The following PDCD4 variants were observed in gnomAD, a reference collection of about 807,000 sequenced individuals.
PDCD4 encodes programmed cell death protein 4.
Under a neutral mutation model 54.0 loss-of-function variants are expected in PDCD4, and 56 were observed. The ratio of observed to expected loss-of-function variants is 1.04; its 90% CI spans 0.84 to 1.30. The LOEUF (loss-of-function observed/expected upper bound fraction) is 1.30, where lower values mean the gene tolerates loss of function less well. Among genes scored for constraint, PDCD4 ranks in the 50% most tolerant of loss-of-function variants. The probability of loss-of-function intolerance (pLI) is 0.00; values close to 1 mark genes in which losing one functional copy is unlikely to be tolerated. For missense variants in PDCD4, 584 were observed against 559.8 expected, an observed-to-expected ratio of 1.04 and a Z score of -0.44; for synonymous variants, 186 against 194.8, an observed-to-expected ratio of 0.95 and a Z score of 0.37.
At chr10:110,897,951 A>G (rs1845870115) in intron 11 of PDCD4, 77 bp from the exon 12 acceptor site, 1 of 1,043,686 alleles carries the variant, frequency 9.6e-7, no homozygotes. Context: ...AAAAATACCA[A>G]GTTTTTAATT....
At chr10:110,873,261 T>C (rs774849020) in intron 1 of PDCD4, among the ~76,000 whole-genome samples, 3 of 152,242 alleles carry the variant, frequency 2.0e-5, no homozygotes, top group Middle Eastern at 3.2e-3. Context: ...GCTTGAATAT[T>C]ATCTGTAGTG....
intron 2 of PDCD4, among the ~76,000 whole-genome samples, chr10:110,879,368 TAA>T (rs1845555672): frequency 6.6e-6 from 1 of 152,218 alleles, no homozygotes; most frequent in East Asian, 1.9e-4. Flanking sequence ...AGTTACAAGG[TAA>T]AGAGTTTACA....
At chr10:110,873,772 T>A (rs1477879548) in intron 1 of PDCD4, among the ~76,000 whole-genome samples, 1 of 152,206 alleles carries the variant, frequency 6.6e-6, no homozygotes, top group Non-Finnish European at 1.5e-5. Flanking sequence ...TGTTTGTTGC[T>A]GTCAAATATG....
Position 110,898,798 on chromosome 10 carries a change from A to T in PDCD4, c.*710A>T, listed in dbSNP as rs1407499706. Reference sequence around the variant, plus strand: ...CTCTTAAACTTTAATTTCACACAGTAAATTTTGAATCTCATAAGGAAGCAT... The same window carrying T: ...CTCTTAAACTTTAATTTCACACAGTTAATTTTGAATCTCATAAGGAAGCAT... On this transcript the variant is annotated 3_prime_UTR_variant, in exon 12 of 12. Transcript: ENST00000280154. The T allele has an allele frequency of 6.6e-6, 1 of 152,636 alleles. No homozygotes were observed. Among genetic ancestry groups the T allele is most frequent in the Non-Finnish European group, 1.5e-5 (1 of 68,028 alleles). The allele number at this position is 152,636 out of a possible 1,614,324, so 9.5% of individuals were successfully genotyped here. A position where few individuals can be genotyped will look rare whatever the true frequency, so the allele number is the denominator to read the frequency against.
At position 110,894,129 on chromosome 10, in the gene PDCD4, CAT is replaced by C. The variant is rs1433945394; in HGVS notation, c.1032_1033del (p.Ser345Ter). ...LLKEYLLSGD[I>X]SEAEHCLKEL... is the part of the protein sequence containing the mutation. ...TGAAAGAATATTTACTCTCTGGAGA[CAT>C]ATCTGAAGCTGAACATTGCCTTAAG... On this transcript the variant is annotated frameshift_variant, in exon 9 of 12. Transcript: ENST00000280154. LOFTEE classifies it high-confidence loss of function. 1.2e-6 allele frequency: 2 copies of C among 1,608,230 alleles called. No individual in the cohort carries two copies. Among genetic ancestry groups the C allele is most frequent in the Non-Finnish European group, 1.7e-6 (2 of 1,174,896 alleles).
intron 2 of PDCD4, 53 bp downstream of exon 2, chr10:110,876,123 G>A (rs1443443982): frequency 3.4e-6 from 5 of 1,457,582 alleles, no homozygotes; most frequent in Non-Finnish European, 2.9e-6. Context: ...ACAGGATCTT[G>A]CTCTGTCACC....
chr10:110,872,726 G>T (rs1845438936), intron 1 of PDCD4, among the ~76,000 whole-genome samples: 1 of 152,252 alleles, frequency 6.6e-6, no homozygotes, highest in Admixed American at 6.5e-5. Flanking sequence ...CCGGCAAAGG[G>T]TCTCTTTTTT....
chr10:110,891,026 A>G (rs905777383), intron 8 of PDCD4, among the ~76,000 whole-genome samples: 4 of 152,212 alleles, frequency 2.6e-5, no homozygotes, highest in African/African-American at 4.8e-5. Context: ...TATATGAGCA[A>G]TTTAAAACTA....
chr10:110,881,165 C>T, intron 2 of PDCD4, 68 bp from the exon 3 acceptor site: 1 of 1,165,156 alleles, frequency 8.6e-7, no homozygotes, highest in Non-Finnish European at 1.2e-6. Context: ...ATCTAACTTA[C>T]CACTATATCT....
Position 110,887,664 on chromosome 10 carries a change from G to C in PDCD4, c.556-1G>C. On this transcript the variant is annotated splice_acceptor_variant, in intron 5 of 11. Coordinates refer to ENST00000280154, the MANE Select transcript of PDCD4 (RefSeq NM_014456.5). LOFTEE classifies it high-confidence loss of function. ...TGTTTTTAAATTATTTTTTTGAACA[G>C]GAAATGTTAAGAGATTTAAATCTTG... is the stretch of plus-strand genomic sequence containing the variant. The C allele has an allele frequency of 6.3e-7, 1 of 1,598,370 alleles. No homozygotes were observed. Among genetic ancestry groups the C allele is most frequent in the East Asian group, 2.2e-5 (1 of 44,778 alleles).
At chr10:110,872,574 G>C (rs1195634440) in intron 1 of PDCD4, among the ~76,000 whole-genome samples, 2 of 152,200 alleles carry the variant, frequency 1.3e-5, no homozygotes, top group African/African-American at 4.8e-5. Flanking sequence ...CTGGGACTTC[G>C]GGGGTCCTAG....
In PDCD4 at chr10:110,872,003, G is replaced by T. The variant is rs1845414848; in HGVS notation, c.-78G>T. The T allele has an allele frequency of 6.5e-6, 1 of 152,824 alleles. No homozygotes were observed. The highest frequency in any genetic ancestry group is 1.5e-5 in the Non-Finnish European group (1 of 68,348). 9.5% of individuals were successfully genotyped at this position (152,824 alleles called of 1,614,324 possible). ...CTGACCAGGAACCTGGGCGAGCAGC[G>T]GCGGGGGCCCGAGGGGTCAGTACCA... On this transcript the variant is annotated 5_prime_UTR_variant, in exon 1 of 12. Coordinates refer to ENST00000280154, the MANE Select transcript of PDCD4 (RefSeq NM_014456.5).
chr10:110,882,387 T>G (rs1369930243), intron 3 of PDCD4, among the ~76,000 whole-genome samples: 1 of 152,218 alleles, frequency 6.6e-6, no homozygotes, highest in African/African-American at 2.4e-5. Context: ...AAAGCAACTT[T>G]GAAAATTGGA....
chr10:110,876,933 T>TTTCGTAACTAAAGTGTA (rs1845514104), intron 2 of PDCD4, among the ~76,000 whole-genome samples: 1 of 152,192 alleles, frequency 6.6e-6, no homozygotes, highest in Admixed American at 6.5e-5. Context: ...TTTAAGTGTA[T>TTTCGTAACTAAAGTGTA]TTCGTAACTA....
At chr10:110,873,414 G>A (rs12258559) in intron 1 of PDCD4, among the ~76,000 whole-genome samples, 7,143 of 152,298 alleles carry the variant, frequency 0.047, 172 homozygotes, top group Middle Eastern at 0.082. Context: ...AGCAATTTAT[G>A]AGGTATATTT....
intron 9 of PDCD4, 76 bp from the exon 10 acceptor site, chr10:110,894,336 A>G: frequency 1.1e-6 from 1 of 893,524 alleles, no homozygotes; most frequent in Non-Finnish European, 1.8e-6. Flanking sequence ...ACGATTACAG[A>G]AGGCATCTAG....
At chr10:110,873,182 T>A (rs922774409) in intron 1 of PDCD4, among the ~76,000 whole-genome samples, 3 of 152,240 alleles carry the variant, frequency 2.0e-5, no homozygotes, top group African/African-American at 7.2e-5. Context: ...ATTTGAATTA[T>A]AATTGACTGG....
At chr10:110,897,741 A>C (rs2134009365) in intron 11 of PDCD4, among the ~76,000 whole-genome samples, 1 of 152,232 alleles carries the variant, frequency 6.6e-6, no homozygotes, top group Admixed American at 6.5e-5. Context: ...AATAATTTTA[A>C]ATTTCTAAAT....
rs755101079 is a variant in PDCD4, at chr10:110,894,220, A to C, written c.1098+22A>C. 9 of 1,307,054 alleles carry C rather than the reference A, an allele frequency of 6.9e-6. No homozygotes were observed. In the South Asian group the frequency reaches 9.4e-5, roughly 14 times the overall value. 81.0% of individuals were successfully genotyped at this position (1,307,054 alleles called of 1,614,324 possible). ...TGAAGTAAGATTACCTTGCCATGTC[A>C]AAGATAATTATTAAGTGTTCCTTTT... On this transcript the variant is annotated intron_variant, in intron 9 of 11. Transcript: ENST00000280154.
Sources: gnomAD v4.1 joint callset for allele counts (sites outside exome capture counted in the v4.1 genomes callset) on GRCh38, gnomAD v4.1.1 for gene constraint, MANE v1.5 for transcripts, NCBI Gene and HGNC (gene_info 2026-07-23, HGNC 2026-07-21) for gene names.